Variants in COG5 observed in about 807,000 individuals in gnomAD.
COG5 encodes conserved oligomeric Golgi complex subunit 5.
COG5 carries 86 observed loss-of-function variants against 110.4 expected under a neutral mutation model. That is an observed-to-expected ratio of 0.78 (90% CI 0.65 to 0.93). COG5 has a LOEUF of 0.93. Among genes scored for constraint, COG5 ranks in the 40% least tolerant of loss-of-function variants. The pLI is 0.00. For synonymous variants in COG5, 360 were observed against 334.6 expected (o/e 1.08, Z -0.83); for missense variants, 1,077 against 987.0 (o/e 1.09, Z -1.22).
intron 6 of COG5, among the ~76,000 whole-genome samples, chr7:107,518,151 G>A (rs1340486208): frequency 1.3e-5 from 2 of 152,112 alleles, no homozygotes; most frequent in South Asian, 2.1e-4. Flanking sequence ...AAGAGCTACT[G>A]AAGGAAGCAC....
intron 7 of COG5, among the ~76,000 whole-genome samples, chr7:107,385,696 G>A (rs1790133724): frequency 1.3e-5 from 2 of 152,222 alleles, no homozygotes; most frequent in South Asian, 2.1e-4. Context: ...GAGGTTTCCA[G>A]AGGTTAGGAG....
intron 17 of COG5, 143 bp from the exon 18 acceptor site, chr7:107,236,830 T>G: frequency 1.4e-6 from 1 of 695,022 alleles, no homozygotes; most frequent in East Asian, 2.7e-5. Flanking sequence ...AATTACTTTT[T>G]GATAAGCGTT....
chr7:107,250,073 A>G (rs1802378143), intron 16 of COG5, among the ~76,000 whole-genome samples: 1 of 152,142 alleles, frequency 6.6e-6, no homozygotes, highest in Non-Finnish European at 1.5e-5. Flanking sequence ...TTTAAGCAAT[A>G]GACAAAATGT....
chr7:107,362,060 G>GT lies in COG5; in HGVS notation c.998dup (p.His333GlnfsTer6). On this transcript the variant is annotated frameshift_variant, in exon 10 of 22. Coordinates refer to ENST00000297135, the MANE Select transcript of COG5 (RefSeq NM_006348.5). LOFTEE classifies it high-confidence loss of function. ...TAACTATTTCTTCAATGAAACAAAT[G>GT]TGAGAAACAGGATCTCTCTTCTTGG... 1 of 1,607,596 alleles carries GT rather than the reference G, an allele frequency of 6.2e-7. No individual in the cohort carries two copies. Among genetic ancestry groups the GT allele is most frequent in the Non-Finnish European group, 8.5e-7 (1 of 1,174,894 alleles).
chr7:107,267,333 T>C (rs1434077882), intron 14 of COG5, among the ~76,000 whole-genome samples: 2 of 152,202 alleles, frequency 1.3e-5, no homozygotes, highest in Non-Finnish European at 2.9e-5. Context: ...ATCAAATCTA[T>C]TATCCTCTCT....
chr7:107,208,155 G>A, intron 21 of COG5: 10 of 985,416 alleles, frequency 1.0e-5, no homozygotes, highest in Non-Finnish European at 1.2e-5. Flanking sequence ...GGGTGCAGCA[G>A]GAGTACAGTA....
At chr7:107,232,398 T>C (rs941472624) in intron 18 of COG5, among the ~76,000 whole-genome samples, 5 of 152,222 alleles carry the variant, frequency 3.3e-5, no homozygotes, top group Admixed American at 1.3e-4. Flanking sequence ...TCCATTCAAA[T>C]ACCTCTCTCT....
intron 14 of COG5, among the ~76,000 whole-genome samples, chr7:107,264,262 C>T (rs1198962038): frequency 6.6e-6 from 1 of 152,054 alleles, no homozygotes; most frequent in Non-Finnish European, 1.5e-5. Flanking sequence ...ATTAGCAATT[C>T]CCGATCTACA....
At chr7:107,456,117 C>T (rs1218676508) in intron 6 of COG5, among the ~76,000 whole-genome samples, 6 of 152,208 alleles carry the variant, frequency 3.9e-5, no homozygotes, top group African/African-American at 1.4e-4. Flanking sequence ...ATATTTTAAA[C>T]ATCAAGAATC....
At chr7:107,507,858 C>G (rs1279223441) in intron 6 of COG5, among the ~76,000 whole-genome samples, 1 of 152,160 alleles carries the variant, frequency 6.6e-6, no homozygotes, top group African/African-American at 2.4e-5. Flanking sequence ...ATAAATGTAT[C>G]ATAATGCTTC....
Position 107,201,396 on chromosome 7 carries a change from T to A in COG5, c.*2120A>T. Reference sequence around the variant, plus strand: ...ATTGATTTGTAAACATTCACTGAGTTTAATTTTATTTCCACAGGGCTCACA... The same window carrying A: ...ATTGATTTGTAAACATTCACTGAGTATAATTTTATTTCCACAGGGCTCACA... On this transcript the variant is annotated 3_prime_UTR_variant, in exon 22 of 22. Coordinates refer to ENST00000297135, the MANE Select transcript of COG5 (RefSeq NM_006348.5). The A allele has an allele frequency of 6.5e-7, 1 of 1,537,800 alleles. No individual in the cohort carries two copies.
At position 107,474,114 on chromosome 7, in the gene COG5, A is replaced by C; in HGVS notation, c.538+53123T>G. 2 of 1,607,290 alleles carry C rather than the reference A, an allele frequency of 1.2e-6. No individual in the cohort carries two copies. The highest frequency in any genetic ancestry group is 1.7e-6 in the Non-Finnish European group (2 of 1,175,682). On this transcript the variant is annotated intron_variant, in intron 6 of 21. Coordinates refer to ENST00000297135, the MANE Select transcript of COG5 (RefSeq NM_006348.5). The surrounding 1 kb of genome is among the most constrained non-coding windows in gnomAD (Gnocchi z 5.7). ...ACATGCAGTCTGAATCTAACATTAC[A>C]GTGCGAGATGACATTGATGACATCA... is the stretch of plus-strand genomic sequence containing the variant.
Position 107,558,126 on chromosome 7 carries a change from G to A in COG5, c.95-11C>T. ...AGTCACTATAACACCCTGGATTGGG[G>A]AAAAAATAAGGAAAAGTCCTTAATT... is the stretch of plus-strand genomic sequence containing the variant. On this transcript the variant is annotated splice_polypyrimidine_tract_variant and intron_variant, in intron 1 of 21. Coordinates refer to ENST00000297135, the MANE Select transcript of COG5 (RefSeq NM_006348.5). The A allele has an allele frequency of 6.2e-7, 1 of 1,612,868 alleles. No individual in the cohort carries two copies. The highest frequency in any genetic ancestry group is 8.5e-7 in the Non-Finnish European group (1 of 1,179,504).
In COG5 at chr7:107,298,139, T is replaced by C. The variant is rs1196128046; in HGVS notation, c.1313+3A>G. 3 of 1,525,926 alleles carry C rather than the reference T, an allele frequency of 2.0e-6. No homozygotes were observed. The highest frequency in any genetic ancestry group is 2.7e-6 in the Non-Finnish European group (3 of 1,125,808). 94.5% of individuals were successfully genotyped at this position (1,525,926 alleles called of 1,614,324 possible). ...ACTAACAGGTCAAATTAAACAAACA[T>C]ACTCATAATCTGGCTTTTTTGGTAT... is the stretch of plus-strand genomic sequence containing the variant. On this transcript the variant is annotated splice_donor_region_variant and intron_variant, in intron 12 of 21. Coordinates refer to ENST00000297135, the MANE Select transcript of COG5 (RefSeq NM_006348.5).
intron 14 of COG5, among the ~76,000 whole-genome samples, chr7:107,273,000 GTCT>G (rs150806115): frequency 0.04 from 6,158 of 152,236 alleles, 183 homozygotes; most frequent in Middle Eastern, 0.12. Context: ...TTAAAAGGAA[GTCT>G]TCTCCCTCAT....
At chr7:107,239,228 A>T (rs1801432860) in intron 17 of COG5, among the ~76,000 whole-genome samples, 1 of 152,136 alleles carries the variant, frequency 6.6e-6, no homozygotes, top group Admixed American at 6.5e-5. Flanking sequence ...AACTGTCCTT[A>T]TTCCATTGAG....
In COG5 at chr7:107,236,367, C is replaced by T. The variant is rs1262764848; in HGVS notation, c.2091+83G>A. The T allele has an allele frequency of 8.7e-6, 9 of 1,029,074 alleles. No homozygotes were observed. In the African/African-American group the frequency reaches 1.1e-4, roughly 13 times the overall value. The allele number at this position is 1,029,074 out of a possible 1,614,324, so 63.7% of individuals were successfully genotyped here. A position where few individuals can be genotyped will look rare whatever the true frequency, so the allele number is the denominator to read the frequency against. On this transcript the variant is annotated intron_variant, in intron 18 of 21. Transcript: ENST00000297135. ...TCTTTGTGCTGCAACTCTTTAAAAA[C>T]ACCGATGAAAACACATTCTTTCATT...
chr7:107,537,798 G>A (rs1044018352), intron 5 of COG5, among the ~76,000 whole-genome samples: 5 of 150,358 alleles, frequency 3.3e-5, no homozygotes, highest in Admixed American at 6.6e-5. Context: ...ATGTCTCCAA[G>A]GAAGATACAT....
At chr7:107,353,424 CAAAAAAAAAAA>C (rs1169669994) in intron 10 of COG5, among the ~76,000 whole-genome samples, 3 of 84,098 alleles carry the variant, frequency 3.6e-5, no homozygotes, top group African/African-American at 1.3e-4. Flanking sequence ...GACTCCGTCT[CAAAAAAAAAAA>C]AAAAAAAAGA....
Sources: allele counts gnomAD v4.1 joint callset (sites outside exome capture counted in the v4.1 genomes callset), GRCh38; gene constraint gnomAD v4.1.1; non-coding constraint Gnocchi (gnomAD v3.1); transcripts MANE v1.5; gene names NCBI Gene and HGNC (gene_info 2026-07-23, HGNC 2026-07-21).